The following FMO5 variants were observed in gnomAD, a reference collection of about 807,000 sequenced individuals.
FMO5 encodes flavin-containing monooxygenase 5.
In FMO5, 51 loss-of-function variants were observed where a neutral mutation model predicts 43.6. That is an observed-to-expected ratio of 1.17 (90% CI 0.93 to 1.48). The LOEUF (loss-of-function observed/expected upper bound fraction) is 1.48. FMO5 is among the 40% of genes most tolerant of loss of function. The pLI, the probability that FMO5 is intolerant of heterozygous loss-of-function variation, is 0.00. For missense variants in FMO5, 644 were observed against 643.0 expected (o/e 1.00, Z -0.02); for synonymous variants, 187 against 216.5 (o/e 0.86, Z 1.20).
intron 7 of FMO5, among the ~76,000 whole-genome samples, chr1:147,191,094 T>C (rs1288195870): frequency 2.6e-5 from 4 of 152,318 alleles, no homozygotes; most frequent in Middle Eastern, 3.4e-3. Flanking sequence ...TGTTGGACAT[T>C]TGGCTTGGTT....
intron 6 of FMO5, among the ~76,000 whole-genome samples, chr1:147,202,432 G>C (rs1359596270): frequency 6.8e-6 from 1 of 147,398 alleles, no homozygotes; most frequent in Non-Finnish European, 1.5e-5. Context: ...TGATTCTGCT[G>C]TCTCAGCCTC....
At position 147,209,067 on chromosome 1, in the gene FMO5, A is replaced by G. The variant is rs782797129; in HGVS notation, c.631-16T>C. ...TGAGGAAAACCTGGGGCATGGAAGA[A>G]ATTGTTTGCTTTTGTCACTCAGATT... On this transcript the variant is annotated splice_polypyrimidine_tract_variant and intron_variant, in intron 5 of 8. Transcript: ENST00000254090. 1 of 1,608,160 alleles carries G rather than the reference A, an allele frequency of 6.2e-7. No homozygotes were observed. The highest frequency in any genetic ancestry group is 1.7e-5 in the Admixed American group (1 of 59,582).
intron 6 of FMO5, among the ~76,000 whole-genome samples, chr1:147,206,233 G>T (rs1262361115): frequency 6.6e-6 from 1 of 150,950 alleles, no homozygotes; most frequent in African/African-American, 2.5e-5. Context: ...TCTCACACCA[G>T]TTAGAATGGC....
intron 5 of FMO5, 129 bp downstream of exon 5, chr1:147,212,264 C>G: frequency 1.1e-6 from 1 of 928,044 alleles, no homozygotes; most frequent in Non-Finnish European, 1.6e-6. Flanking sequence ...AAACGAAGCC[C>G]TATATTTGCC....
chr1:147,209,304 T>G (rs782644537), intron 5 of FMO5, among the ~76,000 whole-genome samples: 7 of 151,886 alleles, frequency 4.6e-5, no homozygotes, highest in Admixed American at 1.3e-4. Flanking sequence ...CAGGCGTGGT[T>G]GCAGGTGCCT....
chr1:147,222,787 G>C (rs1663277668), intron 2 of FMO5, among the ~76,000 whole-genome samples: 1 of 152,222 alleles, frequency 6.6e-6, no homozygotes, highest in Non-Finnish European at 1.5e-5. Flanking sequence ...CAGAGAATAA[G>C]TTTAAACCAC....
At chr1:147,217,726 T>C (rs1404421679) in intron 2 of FMO5, among the ~76,000 whole-genome samples, 1 of 152,194 alleles carries the variant, frequency 6.6e-6, no homozygotes, top group Non-Finnish European at 1.5e-5. Context: ...TCAACCAAAG[T>C]GTTCTCTCTA....
chr1:147,204,991 G>C (rs1659726997), intron 6 of FMO5: 2 of 966,188 alleles, frequency 2.1e-6, no homozygotes, highest in South Asian at 1.3e-5. Context: ...GGAACCAAAG[G>C]TTTTCATGCC....
intron 7 of FMO5, among the ~76,000 whole-genome samples, chr1:147,200,407 T>G (rs1343639411): frequency 6.6e-6 from 1 of 152,102 alleles, no homozygotes; most frequent in African/African-American, 2.4e-5. Context: ...CTTAAAAAAT[T>G]TTTCTCTCTC....
intron 2 of FMO5, among the ~76,000 whole-genome samples, chr1:147,220,771 C>T (rs1245020862): frequency 6.6e-6 from 1 of 152,088 alleles, no homozygotes; most frequent in Non-Finnish European, 1.5e-5. Context: ...ATACCAGCCC[C>T]ATACAATTTA....
chr1:147,201,535 A>T lies in FMO5; in HGVS notation c.831-31T>A. The T allele has an allele frequency of 1.3e-6, 2 of 1,555,116 alleles. No homozygotes were observed. The highest frequency in any genetic ancestry group is 4.5e-5 in the East Asian group (2 of 44,556). On this transcript the variant is annotated intron_variant, in intron 6 of 8. Transcript: ENST00000254090. ...AGTCGTGACAAAGATCAAGTGGAGA[A>T]ATGAGAGAAAGAGAAATCAGTACCA...
At chr1:147,217,590 C>T (rs1357796965) in intron 2 of FMO5, among the ~76,000 whole-genome samples, 1 of 152,168 alleles carries the variant, frequency 6.6e-6, no homozygotes, top group African/African-American at 2.4e-5. Flanking sequence ...ATTATTCAAT[C>T]TAGGAATCCT....
Position 147,224,843 on chromosome 1 carries a change from A to C in FMO5, c.135+52T>G, listed in dbSNP as rs17356031. ...ACTGTTAAGATAAACTGTCGTATGC[A>C]CCTAGTTGCAGGGAGGGTTTCAAGT... On this transcript the variant is annotated intron_variant, in intron 2 of 8. Coordinates refer to ENST00000254090, the MANE Select transcript of FMO5 (RefSeq NM_001461.4). 11 of 1,554,586 alleles carry C rather than the reference A, an allele frequency of 7.1e-6. No individual in the cohort carries two copies. In the Admixed American group the frequency reaches 1.7e-4, roughly 24 times the overall value.
At chr1:147,197,875 C>A (rs1380393771) in intron 7 of FMO5, among the ~76,000 whole-genome samples, 1 of 152,116 alleles carries the variant, frequency 6.6e-6, no homozygotes, top group Non-Finnish European at 1.5e-5. Flanking sequence ...AGGCCTGGTA[C>A]ATACTAAAAG....
At position 147,201,175 on chromosome 1, in the gene FMO5, C is replaced by T. The variant is rs372175539; in HGVS notation, c.1160G>A (p.Arg387His). The change falls in exon 7 of 9, where the codon CGC becomes CAC. Residue 387 changes from arginine (R) to histidine (H), a missense_variant. Physicochemically the swap from Arg to His is conservative, Grantham distance 29. Transcript: ENST00000254090. ...ACCTTTAAATACCTGAGTGGCCCAG[C>T]GTCCTTGGAGCTCTGAAATGGGCAT... is the stretch of plus-strand genomic sequence containing the variant. The part of the protein sequence containing the change: ...AIMPISELQG[R>H]WATQVFKGLK... The T allele has an allele frequency of 1.4e-5, 23 of 1,612,776 alleles. No individual in the cohort carries two copies. Among genetic ancestry groups the T allele is most frequent in the East Asian group, 4.5e-5 (2 of 44,894 alleles).
intron 6 of FMO5, among the ~76,000 whole-genome samples, chr1:147,202,382 T>C (rs7535394): frequency 0.094 from 13,426 of 142,592 alleles, 699 homozygotes; most frequent in African/African-American, 0.15. Context: ...TGCAGTGGCA[T>C]GATCTTGGCT....
At chr1:147,216,767 A>G (rs1301129382) in intron 2 of FMO5, among the ~76,000 whole-genome samples, 2 of 150,400 alleles carry the variant, frequency 1.3e-5, no homozygotes, top group Non-Finnish European at 3.0e-5. Flanking sequence ...AGATTGTGTT[A>G]GAAATGCAGA....
intron 2 of FMO5, chr1:147,224,000 A>T (rs587642532): frequency 2.4e-6 from 1 of 421,376 alleles, no homozygotes; most frequent in Admixed American, 2.6e-5. Flanking sequence ...GGTGGAGAAC[A>T]AGAAGACTCA....
At chr1:147,203,136 AAT>A (rs1659346999) in intron 6 of FMO5, 1 of 498,512 alleles carries the variant, frequency 2.0e-6, no homozygotes, top group Non-Finnish European at 3.5e-6. Context: ...TGACAGTAAC[AAT>A]ATGTTTATTA....
Sources: allele counts gnomAD v4.1 joint callset (sites outside exome capture counted in the v4.1 genomes callset), GRCh38; gene constraint gnomAD v4.1.1; transcripts MANE v1.5; gene names NCBI Gene and HGNC (gene_info 2026-07-23, HGNC 2026-07-21).